PTPRT: variants seen among roughly 807,000 people sequenced by gnomAD.
The protein encoded by PTPRT is receptor-type tyrosine-protein phosphatase T.
Under a neutral mutation model 176.8 loss-of-function variants are expected in PTPRT, and 56 were observed. The observed-to-expected ratio is 0.32, with a 90% CI of 0.26 to 0.40. The LOEUF is 0.40. Among genes scored for constraint, PTPRT ranks in the 10% least tolerant of loss-of-function variants. PTPRT has a pLI of 1.00. For synonymous variants in PTPRT, 783 were observed against 739.0 expected (o/e 1.06, Z -0.96); for missense variants, 1,540 against 1,908.2 (o/e 0.81, Z 3.60).
chr20:42,283,365 T>C (rs2057172803), intron 12 of PTPRT, among the ~76,000 whole-genome samples: 1 of 152,002 alleles, frequency 6.6e-6, no homozygotes, highest in African/African-American at 2.4e-5. Context: ...AGTATGTGAG[T>C]TGCTGAACCA....
intron 6 of PTPRT, among the ~76,000 whole-genome samples, chr20:42,689,924 T>C (rs2075765281): frequency 6.6e-6 from 1 of 152,172 alleles, no homozygotes; most frequent in African/African-American, 2.4e-5. Flanking sequence ...TATAAGATCA[T>C]AAATTTGTGT....
chr20:42,946,669 A>G (rs1027077847), intron 1 of PTPRT, among the ~76,000 whole-genome samples: 7 of 152,196 alleles, frequency 4.6e-5, no homozygotes, highest in Admixed American at 2.6e-4. Flanking sequence ...TCCTAGTGGG[A>G]GTATCAGCAA....
intron 9 of PTPRT, among the ~76,000 whole-genome samples, chr20:42,414,766 G>A (rs956385548): frequency 7.2e-5 from 11 of 152,144 alleles, no homozygotes; most frequent in African/African-American, 2.4e-4. Context: ...AAGATTTTAT[G>A]AAGTCAGAAT....
At chr20:42,148,886 T>C (rs763113972) in intron 17 of PTPRT, among the ~76,000 whole-genome samples, 17 of 152,300 alleles carry the variant, frequency 1.1e-4, no homozygotes, top group South Asian at 2.1e-4. Flanking sequence ...TCCCTTCTTA[T>C]AGGTAAGATG....
chr20:42,277,491 C>A (rs2057060807), intron 13 of PTPRT, among the ~76,000 whole-genome samples: 2 of 152,164 alleles, frequency 1.3e-5, no homozygotes, highest in Non-Finnish European at 2.9e-5. Flanking sequence ...CAAGCATGCA[C>A]CTTCCTGACC....
chr20:42,139,955 C>A (rs1024069072), intron 18 of PTPRT, among the ~76,000 whole-genome samples: 1 of 152,266 alleles, frequency 6.6e-6, no homozygotes, highest in African/African-American at 2.4e-5. Context: ...CTCAACACTT[C>A]ACTTGCAAGA....
chr20:42,582,925 C>T (rs1215523495), intron 7 of PTPRT, among the ~76,000 whole-genome samples: 3 of 152,148 alleles, frequency 2.0e-5, no homozygotes, highest in South Asian at 2.1e-4. Context: ...CTAAGAAGTG[C>T]TTGTCCTCGG....
intron 1 of PTPRT, among the ~76,000 whole-genome samples, chr20:43,028,048 G>C (rs1985986642): frequency 6.6e-6 from 1 of 152,174 alleles, no homozygotes; most frequent in Non-Finnish European, 1.5e-5. Flanking sequence ...TAAGGTCTTT[G>C]TTTTTAATGA....
intron 7 of PTPRT, among the ~76,000 whole-genome samples, chr20:42,623,300 A>C (rs2145864403): frequency 6.6e-6 from 1 of 152,274 alleles, no homozygotes; most frequent in Non-Finnish European, 1.5e-5. Flanking sequence ...ACCCACCCTT[A>C]GAGACAACCA....
chr20:42,162,758 A>C (rs1193980961), intron 16 of PTPRT, among the ~76,000 whole-genome samples: 1 of 152,184 alleles, frequency 6.6e-6, no homozygotes, highest in Non-Finnish European at 1.5e-5. Context: ...ATATATTCCC[A>C]ATTTTCTGCA....
At chr20:42,310,904 A>G (rs547583418) in intron 12 of PTPRT, among the ~76,000 whole-genome samples, 1 of 152,320 alleles carries the variant, frequency 6.6e-6, no homozygotes, top group Admixed American at 6.5e-5. Flanking sequence ...TGTGTCATGA[A>G]AATGCCTGCA....
At chr20:42,702,924 C>T (rs999183627) in intron 6 of PTPRT, among the ~76,000 whole-genome samples, 2 of 152,278 alleles carry the variant, frequency 1.3e-5, no homozygotes, top group Admixed American at 6.5e-5. Context: ...GGTTAAGCAC[C>T]TTCGCAAATT....
chr20:43,042,708 C>CCCTCCCACCTGCCATCTCT (rs1986661537), intron 1 of PTPRT, among the ~76,000 whole-genome samples: 1 of 106,980 alleles, frequency 9.3e-6, no homozygotes, highest in African/African-American at 4.9e-5. Flanking sequence ...CTTCCACCCA[C>CCCTCCCACCTGCCATCTCT]CCTCCCACCC....
At chr20:43,061,123 G>GATGT in intron 1 of PTPRT, among the ~76,000 whole-genome samples, 1 of 151,930 alleles carries the variant, frequency 6.6e-6, no homozygotes, top group East Asian at 1.9e-4. Flanking sequence ...TGGATGGATG[G>GATGT]TCAGTCAGGG....
chr20:42,428,023 C>T (rs1052526806), intron 9 of PTPRT, among the ~76,000 whole-genome samples: 2 of 152,218 alleles, frequency 1.3e-5, no homozygotes, highest in Non-Finnish European at 2.9e-5. Flanking sequence ...CTCAGCCCTC[C>T]TGCACCCAGG....
intron 5 of PTPRT, among the ~76,000 whole-genome samples, chr20:42,759,880 T>C (rs1239342110): frequency 6.6e-6 from 1 of 152,140 alleles, no homozygotes; most frequent in Admixed American, 6.5e-5. Flanking sequence ...AGGTGGTGTC[T>C]CTGGTTGGGC....
intron 1 of PTPRT, among the ~76,000 whole-genome samples, chr20:43,014,845 G>T (rs1985297769): frequency 6.6e-6 from 1 of 152,194 alleles, no homozygotes; most frequent in African/African-American, 2.4e-5. Context: ...ATGTCAAATA[G>T]TATAGGGGAT....
intron 8 of PTPRT, among the ~76,000 whole-genome samples, chr20:42,469,544 G>A (rs2071157955): frequency 6.6e-6 from 1 of 152,166 alleles, no homozygotes; most frequent in Non-Finnish European, 1.5e-5. Flanking sequence ...GGCACTAAGA[G>A]GTTAAACAAC....
chr20:42,655,795 G>T (rs1242087506), intron 7 of PTPRT, among the ~76,000 whole-genome samples: 1 of 152,176 alleles, frequency 6.6e-6, no homozygotes, highest in Non-Finnish European at 1.5e-5. Flanking sequence ...TACCAAATAG[G>T]AGTAGACCAT....
Sources: gnomAD v4.1 joint callset for allele counts (sites outside exome capture counted in the v4.1 genomes callset) on GRCh38, gnomAD v4.1.1 for gene constraint, MANE v1.5 for transcripts, NCBI Gene and HGNC (gene_info 2026-07-23, HGNC 2026-07-21) for gene names.